CSMD1: variants seen among roughly 807,000 people sequenced by gnomAD.
The protein encoded by CSMD1 is CUB and sushi domain-containing protein 1.
CSMD1 carries 213 observed loss-of-function variants against 417.5 expected under a neutral mutation model. The ratio of observed to expected loss-of-function variants is 0.51; its 90% CI spans 0.46 to 0.57. The LOEUF is 0.57. Ranked by LOEUF, CSMD1 falls within the 20% of genes least tolerant of loss-of-function variation. The pLI is 0.00. For missense variants in CSMD1, 6,923 were observed against 4,529.7 expected, an observed-to-expected ratio of 1.53 and a Z score of -15.17; for synonymous variants, 2,862 against 1,736.8, an observed-to-expected ratio of 1.65 and a Z score of -16.11.
At chr8:4,171,707 G>C (rs1270121757) in intron 3 of CSMD1, among the ~76,000 whole-genome samples, 2 of 151,350 alleles carry the variant, frequency 1.3e-5, no homozygotes, top group African/African-American at 4.9e-5. Flanking sequence ...TGCTTATTCT[G>C]ATATTTATGT....
intron 3 of CSMD1, among the ~76,000 whole-genome samples, chr8:4,244,938 G>T (rs1385887943): frequency 1.3e-5 from 2 of 152,068 alleles, no homozygotes; most frequent in African/African-American, 2.4e-5. Flanking sequence ...CATCACCATT[G>T]CTTGAAAACA....
intron 23 of CSMD1, among the ~76,000 whole-genome samples, chr8:3,320,464 T>C (rs1409806988): frequency 2.0e-5 from 3 of 152,172 alleles, no homozygotes; most frequent in African/African-American, 4.8e-5. Flanking sequence ...CATGTAAATA[T>C]AAGGGATTAT....
At chr8:3,757,675 C>T (rs1200938610) in intron 5 of CSMD1, among the ~76,000 whole-genome samples, 2 of 151,930 alleles carry the variant, frequency 1.3e-5, no homozygotes, top group African/African-American at 4.8e-5. Flanking sequence ...CAAGCATGGC[C>T]AACATGGTGA....
In CSMD1 at chr8:3,406,148, G is replaced by A. The variant is rs746109911; in HGVS notation, c.2145C>T (p.Leu715=). 12 of 1,613,468 alleles carry A rather than the reference G, an allele frequency of 7.4e-6. No homozygotes were observed. The highest frequency in any genetic ancestry group is 2.2e-5 in the East Asian group (1 of 44,838). ...NGRRFGDRFL[L]GSSVSFHCDD... ...CACAGTGGAAAGAAACCGAGCTCCC[G>A]AGTAGAAACCTGTCACCAAAACGTC... The change falls in exon 15 of 70, where the codon CTC becomes CTT. Residue 715 remains leucine (L), a synonymous_variant. Coordinates refer to ENST00000635120, the MANE Select transcript of CSMD1 (RefSeq NM_033225.6).
intron 12 of CSMD1, among the ~76,000 whole-genome samples, chr8:3,426,141 A>G (rs181756725): frequency 5.4e-4 from 82 of 152,328 alleles, no homozygotes; most frequent in African/African-American, 2.0e-3. Flanking sequence ...GTATTGTCCT[A>G]TCCCTAATAC....
Position 3,772,430 on chromosome 8 carries a change from TAC to T in CSMD1, c.819-18390_819-18389del, listed in dbSNP as rs1346413763. Among the ~76,000 whole-genome samples the T allele has an allele frequency of 2.4e-4, 31 of 127,664 alleles. 5 individuals carry two copies. Among genetic ancestry groups the T allele is most frequent in the African/African-American group, 1.0e-3 (31 of 31,084 alleles). 83.8% of individuals were successfully genotyped at this position (127,664 alleles called of 152,430 possible). A position where few individuals can be genotyped will look rare whatever the true frequency, so the allele number is the denominator to read the frequency against. On this transcript the variant is annotated intron_variant, in intron 5 of 69. Coordinates refer to ENST00000635120, the MANE Select transcript of CSMD1 (RefSeq NM_033225.6). Reference sequence around the variant, plus strand: ...ACATATATTTATATATACACATATATACATACATTTATATATACACATATATA... The same window carrying T: ...ACATATATTTATATATACACATATATATACATTTATATATACACATATATA...
At chr8:4,513,325 T>C (rs991224958) in intron 2 of CSMD1, among the ~76,000 whole-genome samples, 46 of 152,106 alleles carry the variant, frequency 3.0e-4, no homozygotes, top group African/African-American at 1.1e-3. Context: ...CAAAACTAAA[T>C]CTAGTAAAAC....
chr8:4,963,388 C>A (rs34895043), intron 1 of CSMD1, among the ~76,000 whole-genome samples: 38,053 of 151,778 alleles, frequency 0.25, 6,118 homozygotes, highest in Non-Finnish European at 0.36. Context: ...TTAGTAGAGA[C>A]GAGGTTTCAC....
At chr8:4,706,546 A>C (rs1482056823) in intron 1 of CSMD1, among the ~76,000 whole-genome samples, 1 of 152,248 alleles carries the variant, frequency 6.6e-6, no homozygotes, top group Non-Finnish European at 1.5e-5. Flanking sequence ...AAATATATTT[A>C]ACTCGGCATC....
At chr8:3,849,109 A>C (rs909965215) in intron 5 of CSMD1, among the ~76,000 whole-genome samples, 1 of 152,174 alleles carries the variant, frequency 6.6e-6, no homozygotes, top group Non-Finnish European at 1.5e-5. Flanking sequence ...TTTGTAACAG[A>C]AAGTTACACT....
At chr8:3,902,121 T>C (rs1003043469) in intron 5 of CSMD1, among the ~76,000 whole-genome samples, 1 of 152,212 alleles carries the variant, frequency 6.6e-6, no homozygotes, top group African/African-American at 2.4e-5. Context: ...TAAGCCTTAA[T>C]ATGACAGAAG....
At chr8:3,543,991 G>A (rs912076646) in intron 10 of CSMD1, among the ~76,000 whole-genome samples, 1 of 152,138 alleles carries the variant, frequency 6.6e-6, no homozygotes, top group Non-Finnish European at 1.5e-5. Context: ...GATAGGAAGG[G>A]GATCAAGAAG....
chr8:3,043,372 T>C (rs1389192174), intron 50 of CSMD1, among the ~76,000 whole-genome samples: 3 of 152,102 alleles, frequency 2.0e-5, no homozygotes, highest in Non-Finnish European at 4.4e-5. Context: ...TATAGTACCA[T>C]AGGTCACTAT....
chr8:3,242,823 T>C (rs78761187), intron 26 of CSMD1, among the ~76,000 whole-genome samples: 3 of 82,702 alleles, frequency 3.6e-5, no homozygotes, highest in Admixed American at 1.3e-4. Context: ...AATAAGGGGT[T>C]GGGGCGCAGA....
chr8:3,958,513 T>C (rs887251472), intron 5 of CSMD1, among the ~76,000 whole-genome samples: 19 of 152,208 alleles, frequency 1.2e-4, no homozygotes, highest in African/African-American at 4.1e-4. Flanking sequence ...ATTTTAGAAA[T>C]GCATTCTTCT....
intron 3 of CSMD1, among the ~76,000 whole-genome samples, chr8:4,327,687 G>C (rs1292067505): frequency 6.6e-6 from 1 of 152,148 alleles, no homozygotes; most frequent in Non-Finnish European, 1.5e-5. Flanking sequence ...AATGTATTTT[G>C]TTTACACATA....
At chr8:3,166,266 C>T (rs1226704808) in intron 37 of CSMD1, among the ~76,000 whole-genome samples, 1 of 152,056 alleles carries the variant, frequency 6.6e-6, no homozygotes, top group Non-Finnish European at 1.5e-5. Context: ...CATGGTGACT[C>T]ATGCCTGTAA....
intron 15 of CSMD1, among the ~76,000 whole-genome samples, chr8:3,401,924 CA>C (rs1443047648): frequency 6.7e-6 from 1 of 150,202 alleles, no homozygotes; most frequent in African/African-American, 2.4e-5. Flanking sequence ...ACCAATGAGC[CA>C]ATGAGGTGTT....
At chr8:3,247,843 A>T (rs570178947) in intron 26 of CSMD1, among the ~76,000 whole-genome samples, 1 of 152,348 alleles carries the variant, frequency 6.6e-6, no homozygotes, top group South Asian at 2.1e-4. Context: ...AAAATTAGGC[A>T]ATGTCAATAA....
Sources: allele counts gnomAD v4.1 joint callset (sites outside exome capture counted in the v4.1 genomes callset), GRCh38; gene constraint gnomAD v4.1.1; transcripts MANE v1.5; gene names NCBI Gene and HGNC (gene_info 2026-07-23, HGNC 2026-07-21).